The following LOC128092249 variants were observed in gnomAD, a reference collection of about 807,000 sequenced individuals.
chr21:46,326,301 G>C, the LOC128092249 span: 10 of 1,410,268 alleles, frequency 7.1e-6, no homozygotes, highest in Middle Eastern at 1.8e-4. Flanking sequence ...GTCCCCACCA[G>C]TCTGTTGACT....
At chr21:46,326,337 C>CT in the LOC128092249 span, 1 of 1,597,272 alleles carries the variant, frequency 6.3e-7, no homozygotes, top group Non-Finnish European at 8.6e-7. Flanking sequence ...TTTTTTCTCA[C>CT]TTACCTTTGC....
chr21:46,326,417 C>T, the LOC128092249 span: 14 of 1,614,178 alleles, frequency 8.7e-6, no homozygotes, highest in African/African-American at 1.3e-5. Flanking sequence ...GGTGACAGTT[C>T]GCATTCGGAG....
chr21:46,326,421 T>G, the LOC128092249 span: 1 of 1,614,212 alleles, frequency 6.2e-7, no homozygotes, highest in Non-Finnish European at 8.5e-7. Flanking sequence ...ACAGTTCGCA[T>G]TCGGAGAAAA....
chr21:46,326,378 T>A, the LOC128092249 span: 2 of 1,614,044 alleles, frequency 1.2e-6, no homozygotes, highest in Non-Finnish European at 1.7e-6. Flanking sequence ...TTTGCGCAGC[T>A]TGCTCACTTC....
the LOC128092249 span, chr21:46,326,415 T>C: frequency 6.2e-7 from 1 of 1,614,194 alleles, no homozygotes; most frequent in Non-Finnish European, 8.5e-7. Flanking sequence ...AAGGTGACAG[T>C]TCGCATTCGG....
the LOC128092249 span, chr21:46,326,336 A>G: frequency 2.5e-6 from 4 of 1,593,954 alleles, no homozygotes; most frequent in South Asian, 2.2e-5. Context: ...TTTTTTTCTC[A>G]CTTACCTTTG....
the LOC128092249 span, chr21:46,326,436 G>A: frequency 1.2e-5 from 19 of 1,614,084 alleles, no homozygotes; most frequent in African/African-American, 2.7e-5. Flanking sequence ...AGAAAAAGAC[G>A]GCGAAGAGGA....
the LOC128092249 span, chr21:46,326,345 TG>T: frequency 6.2e-7 from 1 of 1,606,466 alleles, no homozygotes; most frequent in South Asian, 1.1e-5. Flanking sequence ...CACTTACCTT[TG>T]CCTTTACTAC....
the LOC128092249 span, chr21:46,326,449 G>A: frequency 9.3e-6 from 15 of 1,614,098 alleles, no homozygotes; most frequent in African/African-American, 1.7e-4. Context: ...GAAGAGGAAG[G>A]GCTCGGCTGT....
chr21:46,326,483 G>A, the LOC128092249 span: 1 of 1,614,228 alleles, frequency 6.2e-7, no homozygotes, highest in Non-Finnish European at 8.5e-7. Flanking sequence ...CAGGAGGAGA[G>A]TCCGGTAACC....
the LOC128092249 span, chr21:46,326,424 G>A: frequency 3.7e-6 from 6 of 1,614,092 alleles, no homozygotes; most frequent in Non-Finnish European, 5.1e-6. Flanking sequence ...GTTCGCATTC[G>A]GAGAAAAAGA....
At chr21:46,326,473 C>T in the LOC128092249 span, 2 of 1,614,176 alleles carry the variant, frequency 1.2e-6, no homozygotes, top group Non-Finnish European at 1.7e-6. Context: ...TGCGTCTGTC[C>T]AGGAGGAGAG....
At chr21:46,326,450 G>C in the LOC128092249 span, 5 of 1,614,252 alleles carry the variant, frequency 3.1e-6, no homozygotes, top group African/African-American at 1.3e-5. Context: ...AAGAGGAAGG[G>C]CTCGGCTGTC....
the LOC128092249 span, chr21:46,326,348 C>T: frequency 6.2e-6 from 10 of 1,609,302 alleles, no homozygotes; most frequent in African/African-American, 4.0e-5. Flanking sequence ...TTACCTTTGC[C>T]TTTACTACTT....
the LOC128092249 span, chr21:46,326,376 G>T: frequency 6.2e-7 from 1 of 1,614,114 alleles, no homozygotes; most frequent in Non-Finnish European, 8.5e-7. Context: ...TTTTTGCGCA[G>T]CTTGCTCACT....
chr21:46,326,383 C>G, the LOC128092249 span: 1 of 1,614,172 alleles, frequency 6.2e-7, no homozygotes, highest in Non-Finnish European at 8.5e-7. Context: ...GCAGCTTGCT[C>G]ACTTCCGACA....
At chr21:46,326,465 C>G in the LOC128092249 span, 54 of 1,614,072 alleles carry the variant, frequency 3.3e-5, no homozygotes, top group South Asian at 4.8e-4. Context: ...GCTGTCGATG[C>G]GTCTGTCCAG....
At chr21:46,326,317 G>C in the LOC128092249 span, 1 of 1,532,064 alleles carries the variant, frequency 6.5e-7, no homozygotes, top group Non-Finnish European at 9.0e-7. Flanking sequence ...TGACTTTGTG[G>C]TTCTGTTATT....
chr21:46,326,420 A>T, the LOC128092249 span: 1 of 1,614,240 alleles, frequency 6.2e-7, no homozygotes, highest in Non-Finnish European at 8.5e-7. Context: ...GACAGTTCGC[A>T]TTCGGAGAAA....
Sources: gnomAD v4.1 joint callset for allele counts on GRCh38, gnomAD v4.1.1 for gene constraint, MANE v1.5 for transcripts.